Variants in UNC45B observed in about 807,000 individuals in gnomAD.
UNC45B encodes the protein unc-45 myosin chaperone B, also known as protein unc-45 homolog B.
In UNC45B, 78 loss-of-function variants were observed where a neutral mutation model predicts 98.7. The observed-to-expected ratio is 0.79, with a 90% confidence interval of 0.66 to 0.95. The LOEUF (loss-of-function observed/expected upper bound fraction) is 0.95. UNC45B is among the 40% of genes least tolerant of loss of function. UNC45B has a pLI of 0.00. For synonymous variants in UNC45B, 462 were observed against 480.4 expected, an observed-to-expected ratio of 0.96 and a Z score of 0.50; for missense variants, 1,225 against 1,184.9, an observed-to-expected ratio of 1.03 and a Z score of -0.50.
chr17:35,183,330 G>C (rs770450027), intron 18 of UNC45B, 97 bp from the exon 19 acceptor site: 1 of 1,334,742 alleles, frequency 7.5e-7, no homozygotes, highest in Non-Finnish European at 9.7e-7. Context: ...GAAACTCTAA[G>C]AGATCTTGGG....
chr17:35,168,469 C>A, intron 10 of UNC45B, 108 bp downstream of exon 10: 2 of 989,928 alleles, frequency 2.0e-6, no homozygotes, highest in Non-Finnish European at 2.6e-6. Context: ...AGACCAGGTT[C>A]AAGGGGGCAC....
intron 8 of UNC45B, among the ~76,000 whole-genome samples, chr17:35,161,629 C>T (rs2092103078): frequency 6.6e-6 from 1 of 152,132 alleles, no homozygotes; most frequent in Non-Finnish European, 1.5e-5. Context: ...AAGAAATACA[C>T]ATATTTGGTC....
intron 12 of UNC45B, among the ~76,000 whole-genome samples, chr17:35,170,919 C>T (rs1350649579): frequency 4.6e-5 from 7 of 152,124 alleles, no homozygotes; most frequent in African/African-American, 1.4e-4. Context: ...GACTCCTTTC[C>T]TCATCTGCTG....
Position 35,188,467 on chromosome 17 carries a change from CTTT to C in UNC45B, c.*1925_*1927del, listed in dbSNP as rs5820105. On this transcript the variant is annotated 3_prime_UTR_variant, in exon 20 of 20. Coordinates refer to ENST00000394570, the MANE Select transcript of UNC45B (RefSeq NM_001267052.2). ...GTTCATCTTGTTTGGATTGGAGAGA[CTTT>C]TTTTTTTTTTTTTTTTGAGACAGGG... 230 of 129,694 alleles carry C rather than the reference CTTT, an allele frequency of 1.8e-3. 1 individual carries two copies. The highest frequency in any genetic ancestry group is 4.1e-3 in the Middle Eastern group (1 of 242). 8.0% of individuals were successfully genotyped at this position (129,694 alleles called of 1,614,324 possible).
In UNC45B at chr17:35,180,619, T is replaced by C. The variant is rs1212449613; in HGVS notation, c.2316T>C (p.His772=). 3.7e-6 allele frequency: 6 copies of C among 1,613,910 alleles called. No homozygotes were observed. The highest frequency in any genetic ancestry group is 2.2e-5 in the East Asian group (1 of 44,852). ...PDIENYMFEN[H]DQLRQAATEC... ...TCGAGAACTACATGTTTGAGAATCA[T>C]GATCAGCTGCGGCAGGCGGCCACCG... Residue 772 remains histidine (H), a synonymous_variant, in exon 18 of 20, where the codon CAT becomes CAC. Transcript: ENST00000394570.
chr17:35,178,572 G>C (rs2092252171), intron 17 of UNC45B, among the ~76,000 whole-genome samples: 1 of 152,136 alleles, frequency 6.6e-6, no homozygotes, highest in Non-Finnish European at 1.5e-5. Flanking sequence ...TTTGGCTTTT[G>C]TTGCCATTGC....
At chr17:35,160,118 A>C (rs190912322) in intron 8 of UNC45B, among the ~76,000 whole-genome samples, 2 of 152,308 alleles carry the variant, frequency 1.3e-5, no homozygotes, top group Non-Finnish European at 2.9e-5. Context: ...GAGGGGAAAG[A>C]GGGAGGGTGT....
In UNC45B at chr17:35,152,802, A is replaced by T. The variant is rs2092029777; in HGVS notation, c.382-91A>T. 7 of 951,926 alleles carry T rather than the reference A, an allele frequency of 7.4e-6. No individual in the cohort carries two copies. The East Asian group carries it at 1.7e-4, about 23-fold the overall frequency. 59.0% of individuals were successfully genotyped at this position (951,926 alleles called of 1,614,324 possible). On this transcript the variant is annotated intron_variant, in intron 4 of 19. Transcript: ENST00000394570. ...ACGTATGTGCGGGAGCCCAGAGTAG[A>T]CACCTGATATTTACTGAGATGAACT...
chr17:35,181,209 G>C (rs2092271287), intron 18 of UNC45B, among the ~76,000 whole-genome samples: 1 of 152,188 alleles, frequency 6.6e-6, no homozygotes, highest in African/African-American at 2.4e-5. Context: ...AAAATAAAAT[G>C]AATTCAGAAC....
rs138670446 is a variant in UNC45B at position 35,158,159 on chromosome 17, T to C, written c.809-1216T>C. Among the ~76,000 whole-genome samples the C allele has an allele frequency of 6.8e-3, 1,043 of 152,342 alleles. 27 individuals carry two copies. The highest frequency in any genetic ancestry group is 0.061 in the South Asian group (292 of 4,824). The stretch of plus-strand genomic sequence containing the variant: ...CCAAAATATTGGGATTACAGGCCAC[T>C]GCGCCCAGCCCTGAAGTCCTGGATT... On this transcript the variant is annotated intron_variant, in intron 7 of 19. Transcript: ENST00000394570.
intron 14 of UNC45B, 36 bp from the exon 15 acceptor site, chr17:35,175,932 T>C: frequency 6.2e-7 from 1 of 1,601,452 alleles, no homozygotes; most frequent in South Asian, 1.1e-5. Flanking sequence ...GGTGTGCTGG[T>C]GTATTAACTG....
rs1016911632 is a variant in UNC45B at position 35,187,892 on chromosome 17, A to T, written c.*1333A>T. On this transcript the variant is annotated 3_prime_UTR_variant, in exon 20 of 20. Transcript: ENST00000394570. Reference sequence around the variant, plus strand: ...GTTTATTGAAGGGTCAACAGTTCTGATCTCAGCATTGGGTAAAGGGTGGGA... The same window carrying T: ...GTTTATTGAAGGGTCAACAGTTCTGTTCTCAGCATTGGGTAAAGGGTGGGA... 1 of 152,182 alleles carries T rather than the reference A, an allele frequency of 6.6e-6. No homozygotes were observed. Among genetic ancestry groups the T allele is most frequent in the Non-Finnish European group, 1.5e-5 (1 of 68,030 alleles). 9.4% of individuals were successfully genotyped at this position (152,182 alleles called of 1,614,324 possible). A position where few individuals can be genotyped will look rare whatever the true frequency, so the allele number is the denominator to read the frequency against.
chr17:35,170,020 G>A, intron 11 of UNC45B, 89 bp downstream of exon 11: 4 of 1,607,986 alleles, frequency 2.5e-6, no homozygotes, highest in African/African-American at 1.3e-5. Context: ...GAGTGTGAAA[G>A]GGACCTCACC....
chr17:35,168,717 G>GT (rs940228527), intron 10 of UNC45B, among the ~76,000 whole-genome samples: 1 of 151,858 alleles, frequency 6.6e-6, no homozygotes, highest in Admixed American at 6.6e-5. Flanking sequence ...TTTACTTTTT[G>GT]TTTTTTTGAG....
chr17:35,150,143 C>T lies in UNC45B; in HGVS notation c.301C>T (p.Gln101Ter), dbSNP rs1301847971. 2 of 1,613,844 alleles carry T rather than the reference C, an allele frequency of 1.2e-6. No individual in the cohort carries two copies. Among genetic ancestry groups the T allele is most frequent in the Non-Finnish European group, 1.7e-6 (2 of 1,179,826 alleles). ...GCTGGACCAGGCCTTCAAAGACGTG[C>T]AGCGTTGTGCCACCCTCGAGCCACG... is the stretch of plus-strand genomic sequence containing the variant. Reference protein sequence around the residue: ...GKLDQAFKDVQRCATLEPRNQ... With the variant: ...GKLDQAFKDV The change falls in exon 4 of 20, where the codon CAG (glutamine) becomes TAG (stop). Residue 101 changes from glutamine (Q) to a stop codon, truncating the protein, a stop_gained. Transcript: ENST00000394570. LOFTEE classifies it high-confidence loss of function.
chr17:35,180,253 TGA>T (rs56300196), intron 17 of UNC45B, among the ~76,000 whole-genome samples: 4,552 of 139,728 alleles, frequency 0.033, 216 homozygotes, highest in African/African-American at 0.11. Flanking sequence ...ACATCCAGGA[TGA>T]GAGAGAGAGA....
chr17:35,156,115 T>A (rs1386444065), intron 7 of UNC45B, among the ~76,000 whole-genome samples: 1 of 152,154 alleles, frequency 6.6e-6, no homozygotes, highest in East Asian at 1.9e-4. Context: ...AAATACTGCA[T>A]GAATCCACTC....
At chr17:35,173,978 AT>A (rs2092208331) in intron 13 of UNC45B, among the ~76,000 whole-genome samples, 2 of 151,628 alleles carry the variant, frequency 1.3e-5, no homozygotes, top group Non-Finnish European at 2.9e-5. Flanking sequence ...CGCCTGGCTC[AT>A]TTTTTGTATT....
Position 35,186,524 on chromosome 17 carries a change from T to G in UNC45B, c.2755T>G (p.Cys919Gly). Residue 919 changes from cysteine to glycine, a missense_variant, in exon 20 of 20, where the codon TGC becomes GGC. Cys to Gly is a radical substitution (Grantham distance 159). Coordinates refer to ENST00000394570, the MANE Select transcript of UNC45B (RefSeq NM_001267052.2). ...VQTARECLIKCMDYGFIKPVS is the reference protein window; with the variant it reads ...VQTARECLIKGMDYGFIKPVS ...GACAGCCCGAGAATGTCTCATCAAG[T>G]GCATGGATTATGGTTTCATTAAACC... is the stretch of plus-strand genomic sequence containing the variant. The G allele has an allele frequency of 6.2e-7, 1 of 1,614,152 alleles. No homozygotes were observed. The highest frequency in any genetic ancestry group is 8.5e-7 in the Non-Finnish European group (1 of 1,180,032).
Sources: allele counts gnomAD v4.1 joint callset (sites outside exome capture counted in the v4.1 genomes callset), GRCh38; gene constraint gnomAD v4.1.1; transcripts MANE v1.5; gene names NCBI Gene and HGNC (gene_info 2026-07-23, HGNC 2026-07-21).